AIG1: variants seen among roughly 807,000 people sequenced by gnomAD.
AIG1 encodes androgen induced 1, also known as androgen-induced gene 1 protein.
A neutral mutation model predicts 31.4 loss-of-function variants in AIG1; 23 were observed. That is an observed-to-expected ratio of 0.73 (90% CI 0.53 to 1.04). AIG1 has a LOEUF of 1.04. AIG1 is among the 50% of genes least tolerant of loss of function. AIG1 has a pLI of 0.00. For missense variants in AIG1, 274 were observed against 295.0 expected (o/e 0.93, Z 0.52); for synonymous variants, 100 against 110.5 (o/e 0.90, Z 0.60).
chr6:143,109,727 G>A (rs960070022), intron 1 of AIG1, among the ~76,000 whole-genome samples: 1 of 151,832 alleles, frequency 6.6e-6, no homozygotes, highest in Non-Finnish European at 1.5e-5. Context: ...AAAATACTGG[G>A]TAGTCTTTCT....
chr6:143,113,381 G>A (rs987759775), intron 1 of AIG1, among the ~76,000 whole-genome samples: 3 of 151,918 alleles, frequency 2.0e-5, no homozygotes, highest in African/African-American at 7.3e-5. Context: ...GAGGTGGGCG[G>A]ATCACGAGGT....
chr6:143,098,481 G>C (rs1779985055), intron 1 of AIG1, among the ~76,000 whole-genome samples: 1 of 152,108 alleles, frequency 6.6e-6, no homozygotes, highest in Non-Finnish European at 1.5e-5. Flanking sequence ...GAATTCCTGA[G>C]AAATCAGTTC....
chr6:143,093,896 G>A (rs189599283), intron 1 of AIG1: 1 of 152,286 alleles, frequency 6.6e-6, no homozygotes, highest in Admixed American at 6.5e-5. Context: ...GGTGAGGTTT[G>A]AGGTGCCCCA....
intron 1 of AIG1, among the ~76,000 whole-genome samples, chr6:143,077,049 G>T (rs892734923): frequency 6.6e-6 from 1 of 152,092 alleles, no homozygotes. Flanking sequence ...TGTTTTTCTA[G>T]TGATTACCAT....
chr6:143,076,929 C>G (rs968508117), intron 1 of AIG1, among the ~76,000 whole-genome samples: 1 of 152,128 alleles, frequency 6.6e-6, no homozygotes, highest in African/African-American at 2.4e-5. Flanking sequence ...CCTCAGCCTC[C>G]CAAAGTGCTG....
At chr6:143,166,488 A>C (rs1338163465) in intron 3 of AIG1, among the ~76,000 whole-genome samples, 1 of 152,134 alleles carries the variant, frequency 6.6e-6, no homozygotes, top group Non-Finnish European at 1.5e-5. Context: ...AGCCATTCCT[A>C]ACTCCCCAAG....
rs3842511 is a variant in AIG1 at position 143,125,586 on chromosome 6, TG to T, written c.142-11242del. 7.9e-5 allele frequency among the ~76,000 whole-genome samples: 12 copies of T among 152,206 alleles called. No homozygotes were observed. The East Asian group carries it at 2.3e-3, about 29-fold the overall frequency. ...CTGAGGAAGCTCAGTCAGAACACCCTGGGGGGGAATTTTCTATCATAATTTG... is the reference window on the plus strand; with the variant it reads ...CTGAGGAAGCTCAGTCAGAACACCCTGGGGGGAATTTTCTATCATAATTTG... On this transcript the variant is annotated intron_variant, in intron 1 of 5. Transcript: ENST00000357847.
chr6:143,300,984 A>G (rs1426632915), intron 4 of AIG1, among the ~76,000 whole-genome samples: 1 of 152,076 alleles, frequency 6.6e-6, no homozygotes, highest in Non-Finnish European at 1.5e-5. Context: ...TTTGAGACGG[A>G]GTCTCGCTCT....
intron 3 of AIG1, among the ~76,000 whole-genome samples, chr6:143,224,367 GTTCTGGGGTTTGGAAC>G (rs1792774605): frequency 6.6e-6 from 1 of 152,164 alleles, no homozygotes; most frequent in South Asian, 2.1e-4. Flanking sequence ...ATAGTAGGAG[GTTCTGGGGTTTGGAAC>G]TATGTGGGTC....
intron 1 of AIG1, among the ~76,000 whole-genome samples, chr6:143,068,550 A>C (rs955977274): frequency 2.6e-5 from 4 of 152,262 alleles, no homozygotes; most frequent in African/African-American, 9.6e-5. Context: ...GCATTAGTGC[A>C]CTCACATTGT....
At chr6:143,249,758 A>G (rs557913721) in intron 3 of AIG1, among the ~76,000 whole-genome samples, 4 of 151,916 alleles carry the variant, frequency 2.6e-5, no homozygotes, top group East Asian at 1.9e-4. Context: ...AACCCCCCCT[A>G]TGTTTGCTGA....
chr6:143,283,146 C>T (rs185035308), intron 3 of AIG1, among the ~76,000 whole-genome samples: 1 of 152,282 alleles, frequency 6.6e-6, no homozygotes, highest in East Asian at 1.9e-4. Flanking sequence ...ATTTCAAAAC[C>T]AAGGGCATTT....
downstream of AIG1, chr6:143,343,170 A>G: frequency 8.2e-6 from 6 of 731,314 alleles, no homozygotes; most frequent in Non-Finnish European, 1.5e-5. Flanking sequence ...CACAGCAGGA[A>G]ATGCCCTACA....
intron 3 of AIG1, among the ~76,000 whole-genome samples, chr6:143,224,002 C>T (rs1482401007): frequency 2.0e-5 from 3 of 152,098 alleles, no homozygotes; most frequent in East Asian, 1.9e-4. Flanking sequence ...TCCTCCCGAA[C>T]GTCTCCTGCC....
At chr6:143,156,340 CT>C (rs1400746268) in intron 2 of AIG1, among the ~76,000 whole-genome samples, 1 of 130,268 alleles carries the variant, frequency 7.7e-6, no homozygotes, top group African/African-American at 2.7e-5. Flanking sequence ...CATGGAGTAT[CT>C]TCTTAAAATA....
At chr6:143,208,062 C>G (rs890063155) in intron 3 of AIG1, among the ~76,000 whole-genome samples, 2 of 152,042 alleles carry the variant, frequency 1.3e-5, no homozygotes, top group Non-Finnish European at 2.9e-5. Flanking sequence ...CCATCTAAAG[C>G]GTGCTAAGGA....
intron 1 of AIG1, among the ~76,000 whole-genome samples, chr6:143,107,896 AATTCTTT>A (rs1232366874): frequency 6.6e-6 from 1 of 152,172 alleles, no homozygotes; most frequent in Non-Finnish European, 1.5e-5. Context: ...GGAAAAAAAG[AATTCTTT>A]ATTAAATTCC....
chr6:143,206,636 C>A (rs547173761), intron 3 of AIG1, among the ~76,000 whole-genome samples: 2 of 152,088 alleles, frequency 1.3e-5, no homozygotes, highest in African/African-American at 4.8e-5. Context: ...TCTTTTAACC[C>A]TCTACAACTT....
chr6:143,130,808 T>C (rs1390935529), intron 1 of AIG1, among the ~76,000 whole-genome samples: 1 of 152,196 alleles, frequency 6.6e-6, no homozygotes, highest in Non-Finnish European at 1.5e-5. Flanking sequence ...GTTGTACAGA[T>C]TGTTTCATCA....
Sources: allele counts gnomAD v4.1 joint callset (sites outside exome capture counted in the v4.1 genomes callset), GRCh38; gene constraint gnomAD v4.1.1; transcripts MANE v1.5; gene names NCBI Gene and HGNC (gene_info 2026-07-23, HGNC 2026-07-21).